AGBL4: variants seen among roughly 807,000 people sequenced by gnomAD.
The protein encoded by AGBL4 is cytosolic carboxypeptidase 6.
AGBL4 carries 58 observed loss-of-function variants against 66.4 expected under a neutral mutation model. The ratio of observed to expected loss-of-function variants is 0.87; its 90% CI spans 0.71 to 1.09. The LOEUF (loss-of-function observed/expected upper bound fraction) is 1.09, where lower values mean the gene tolerates loss of function less well. Ranked by LOEUF, AGBL4 falls within the 50% of genes least tolerant of loss-of-function variation. The pLI is 0.00. For synonymous variants in AGBL4, 234 were observed against 222.9 expected, an observed-to-expected ratio of 1.05 and a Z score of -0.44; for missense variants, 579 against 631.0, an observed-to-expected ratio of 0.92 and a Z score of 0.88.
At chr1:49,620,993 C>A (rs1280663595) in intron 3 of AGBL4, among the ~76,000 whole-genome samples, 1 of 152,020 alleles carries the variant, frequency 6.6e-6, no homozygotes, top group Non-Finnish European at 1.5e-5. Flanking sequence ...CATTATTTTA[C>A]TGCCTACAAA....
At chr1:48,993,180 G>A (rs1011296204) in intron 5 of AGBL4, among the ~76,000 whole-genome samples, 2 of 152,068 alleles carry the variant, frequency 1.3e-5, no homozygotes, top group Non-Finnish European at 2.9e-5. Context: ...TCAGGGCCAC[G>A]GGCTCTTTAG....
At chr1:49,740,594 TAC>T (rs1295175939) in intron 2 of AGBL4, among the ~76,000 whole-genome samples, 7 of 152,130 alleles carry the variant, frequency 4.6e-5, no homozygotes, top group African/African-American at 1.7e-4. Flanking sequence ...CAACAGAATA[TAC>T]ATTCTTTTCA....
chr1:49,775,149 T>C (rs1644165252), intron 2 of AGBL4, among the ~76,000 whole-genome samples: 1 of 152,168 alleles, frequency 6.6e-6, no homozygotes, highest in Non-Finnish European at 1.5e-5. Flanking sequence ...CAATATCATA[T>C]AATGTTTAAG....
At chr1:48,951,541 A>G (rs1304262193) in intron 5 of AGBL4, among the ~76,000 whole-genome samples, 2 of 152,182 alleles carry the variant, frequency 1.3e-5, no homozygotes. Flanking sequence ...TGAGGCTGGA[A>G]CACTCATGAA....
chr1:49,195,036 C>A (rs1647200823), intron 4 of AGBL4, among the ~76,000 whole-genome samples: 1 of 151,828 alleles, frequency 6.6e-6, no homozygotes, highest in Non-Finnish European at 1.5e-5. Context: ...GAGATGGAGT[C>A]TTGCTTTTTT....
downstream of AGBL4, among the ~76,000 whole-genome samples, chr1:48,527,896 T>A (rs1643888479): frequency 6.6e-6 from 1 of 152,068 alleles, no homozygotes; most frequent in Non-Finnish European, 1.5e-5. Context: ...TTGAAAGAAG[T>A]ACCATAAAAT....
At chr1:49,274,553 C>G (rs560175138) in intron 3 of AGBL4, among the ~76,000 whole-genome samples, 23 of 152,148 alleles carry the variant, frequency 1.5e-4, no homozygotes, top group Admixed American at 7.2e-4. Context: ...TATTCTAAGA[C>G]TTTTTAAATC....
intron 3 of AGBL4, among the ~76,000 whole-genome samples, chr1:49,446,033 G>A (rs188976218): frequency 6.6e-6 from 1 of 151,868 alleles, no homozygotes; most frequent in Non-Finnish European, 1.5e-5. Flanking sequence ...TGCATTTTTA[G>A]TAGAGACAGG....
chr1:49,234,306 C>A (rs1194538302), intron 4 of AGBL4, among the ~76,000 whole-genome samples: 4 of 152,124 alleles, frequency 2.6e-5, no homozygotes, highest in Non-Finnish European at 2.9e-5. Context: ...CAGCATTGCA[C>A]TGACAGGAGG....
chr1:48,855,969 T>C (rs1353378298), intron 6 of AGBL4, among the ~76,000 whole-genome samples: 1 of 152,122 alleles, frequency 6.6e-6, no homozygotes, highest in Non-Finnish European at 1.5e-5. Context: ...CCAACATTAT[T>C]GACATGGGAA....
intron 6 of AGBL4, among the ~76,000 whole-genome samples, chr1:48,756,241 T>C (rs561730975): frequency 6.6e-6 from 1 of 152,346 alleles, no homozygotes; most frequent in East Asian, 1.9e-4. Context: ...CAAAAATTCA[T>C]CATTCAGGCT....
chr1:50,018,630 T>C (rs1662171313), intron 1 of AGBL4, among the ~76,000 whole-genome samples: 1 of 152,102 alleles, frequency 6.6e-6, no homozygotes, highest in African/African-American at 2.4e-5. Flanking sequence ...CCTCTGACTT[T>C]CTTAATATAT....
chr1:49,371,574 C>T (rs902199390), intron 3 of AGBL4, among the ~76,000 whole-genome samples: 10 of 152,150 alleles, frequency 6.6e-5, no homozygotes, highest in Non-Finnish European at 1.2e-4. Context: ...CTCCCTAACA[C>T]TTTGCTTCTC....
At chr1:49,146,879 T>C (rs1443288907) in intron 4 of AGBL4, among the ~76,000 whole-genome samples, 1 of 152,264 alleles carries the variant, frequency 6.6e-6, no homozygotes, top group Non-Finnish European at 1.5e-5. Context: ...CACAGCCTGG[T>C]AGCAGTGAGC....
chr1:49,386,818 A>AT (rs1368480403), intron 3 of AGBL4, among the ~76,000 whole-genome samples: 1 of 151,908 alleles, frequency 6.6e-6, no homozygotes, highest in Non-Finnish European at 1.5e-5. Flanking sequence ...AATTGGCTCT[A>AT]TATTCTCTCT....
At chr1:49,998,434 A>C (rs1473476922) in intron 1 of AGBL4, among the ~76,000 whole-genome samples, 4 of 152,120 alleles carry the variant, frequency 2.6e-5, no homozygotes, top group Non-Finnish European at 5.9e-5. Flanking sequence ...AAAGATTGAA[A>C]TGGTAATTTT....
chr1:48,754,565 G>A (rs1239462658), intron 6 of AGBL4, among the ~76,000 whole-genome samples: 2 of 152,198 alleles, frequency 1.3e-5, no homozygotes, highest in East Asian at 1.9e-4. Context: ...GGGGGAGGAG[G>A]GGCAGGAAAG....
chr1:49,405,787 TA>T (rs1180968677), intron 3 of AGBL4, among the ~76,000 whole-genome samples: 1 of 152,142 alleles, frequency 6.6e-6, no homozygotes, highest in Non-Finnish European at 1.5e-5. Flanking sequence ...GAAGTAACAG[TA>T]AAAAACAAGA....
Position 49,838,520 on chromosome 1 carries a change from T to C in AGBL4, c.157+12876A>G, listed in dbSNP as rs563261337. ...AAATAGTCAAATGACCTGCACAAGA[T>C]ATTCCTAAACCTTCAGATGCCAACT... On this transcript the variant is annotated intron_variant, in intron 2 of 13. Coordinates refer to ENST00000371839, the MANE Select transcript of AGBL4 (RefSeq NM_032785.4). 2.6e-5 allele frequency among the ~76,000 whole-genome samples: 4 copies of C among 152,326 alleles called. No homozygotes were observed. The South Asian group carries it at 8.3e-4, about 32-fold the overall frequency.
Sources: allele counts gnomAD v4.1 joint callset (sites outside exome capture counted in the v4.1 genomes callset), GRCh38; gene constraint gnomAD v4.1.1; transcripts MANE v1.5; gene names NCBI Gene and HGNC (gene_info 2026-07-23, HGNC 2026-07-21).